The following IQSEC2 variants were observed in gnomAD, a reference collection of about 807,000 sequenced individuals.
IQSEC2 encodes IQ motif and SEC7 domain-containing protein 2.
Under a neutral mutation model 74.6 loss-of-function variants are expected in IQSEC2, and 6 were observed. The ratio of observed to expected loss-of-function variants is 0.08; its 90% CI spans 0.04 to 0.16. The LOEUF (loss-of-function observed/expected upper bound fraction) is 0.16, where lower values mean the gene tolerates loss of function less well. Among genes scored for constraint, IQSEC2 ranks in the 10% least tolerant of loss-of-function variants. The pLI is 1.00. For missense variants in IQSEC2, 734 were observed against 1,306.2 expected, an observed-to-expected ratio of 0.56 and a Z score of 6.75; for synonymous variants, 494 against 544.5, an observed-to-expected ratio of 0.91 and a Z score of 1.29.
chrX:53,303,906 G>A (rs1556876030), intron 1 of IQSEC2, among the ~76,000 whole-genome samples: 1 of 110,153 alleles, frequency 9.1e-6, no homozygotes, highest in Admixed American at 9.7e-5. Flanking sequence ...TGAGGCGGGT[G>A]GATCACAAGG....
intron 1 of IQSEC2, among the ~76,000 whole-genome samples, chrX:53,303,249 T>G (rs17002613): frequency 0.072 from 7,757 of 107,950 alleles, 579 homozygotes; most frequent in African/African-American, 0.22. Context: ...CAGAATAAAG[T>G]CATGGAAGCA....
intron 1 of IQSEC2, among the ~76,000 whole-genome samples, chrX:53,312,951 G>GA (rs1231706801): frequency 1.8e-5 from 2 of 112,355 alleles, no homozygotes; most frequent in African/African-American, 3.2e-5. Flanking sequence ...TCGCTCCAAC[G>GA]AAATGCACTA....
chrX:53,247,212 C>G (rs1165581983), intron 7 of IQSEC2, 77 bp from the exon 8 acceptor site: 122 of 969,992 alleles, frequency 1.3e-4, no homozygotes, highest in Non-Finnish European at 1.6e-4. Flanking sequence ...CAGTCTGGCA[C>G]CAGCAACCCT....
chrX:53,303,827 C>A (rs946568410), intron 1 of IQSEC2, among the ~76,000 whole-genome samples: 1 of 108,461 alleles, frequency 9.2e-6, no homozygotes, highest in Non-Finnish European at 1.9e-5. Context: ...AAAGTGAAAA[C>A]CTTTTGAAAG....
At chrX:53,299,196 G>C (rs781946634) in intron 1 of IQSEC2, among the ~76,000 whole-genome samples, 1 of 110,266 alleles carries the variant, frequency 9.1e-6, no homozygotes, top group East Asian at 2.8e-4. Flanking sequence ...ACAGGCATAG[G>C]CCACCATGCC....
chrX:53,319,350 A>C (rs2075406874), intron 1 of IQSEC2, among the ~76,000 whole-genome samples: 1 of 111,573 alleles, frequency 9.0e-6, no homozygotes, highest in African/African-American at 3.3e-5. Context: ...GGGGTACTTC[A>C]AGATCATCCA....
chrX:53,279,617 A>C (rs2074908707), intron 2 of IQSEC2: 1 of 1,202,408 alleles, frequency 8.3e-7, no homozygotes, highest in East Asian at 3.0e-5. Flanking sequence ...CAAGGACCTG[A>C]GTAGGACAGC....
In IQSEC2 at chrX:53,286,693, G is replaced by C. The variant is rs992135719; in HGVS notation, c.737+5202C>G. On this transcript the variant is annotated intron_variant, in intron 2 of 14. Transcript: ENST00000642864. ...GCGGTGGCTCACACCTATAATCCCA[G>C]CACTTTGGGAGGCCGAGGAGGGGGG... Among the ~76,000 whole-genome samples, 4 of 111,386 alleles carry C rather than the reference G, an allele frequency of 3.6e-5. No homozygotes were observed. The Admixed American group carries it at 3.8e-4, about 11-fold the overall frequency.
intron 1 of IQSEC2, among the ~76,000 whole-genome samples, chrX:53,293,154 C>G (rs1374568738): frequency 2.7e-5 from 3 of 112,092 alleles, no homozygotes; most frequent in African/African-American, 9.7e-5. Flanking sequence ...TGAAAGGAGG[C>G]CCCGCTGGCG....
intron 2 of IQSEC2, among the ~76,000 whole-genome samples, chrX:53,275,728 C>CTTTTTTT (rs1219701474): frequency 3.8e-4 from 31 of 81,678 alleles, no homozygotes; most frequent in East Asian, 8.3e-4. Flanking sequence ...TGCCCTCATT[C>CTTTTTTT]TTTTTTTTTT....
Position 53,254,615 on chromosome X carries a change from C to T in IQSEC2, c.1316G>A (p.Gly439Asp). 1 of 1,194,074 alleles carries T rather than the reference C, an allele frequency of 8.4e-7. No individual in the cohort carries two copies. Among genetic ancestry groups the T allele is most frequent in the Non-Finnish European group, 1.1e-6 (1 of 886,944 alleles). Reference sequence around the variant, plus strand: ...GACGGAGCTTCCACCACCATCGATGCCCCCACCACAGGAGCCTCCATATGG... The same window carrying T: ...GACGGAGCTTCCACCACCATCGATGTCCCCACCACAGGAGCCTCCATATGG... ...GLPYGGSCGG[G>D]IDGGGSSVTT... The change falls in exon 4 of 15, where the codon GGC becomes GAC. Residue 439 changes from glycine to aspartate, a missense_variant. Physicochemically the swap from Gly to Asp is moderately conservative, Grantham distance 94. Around this residue, in one of 12 missense-constraint regions of IQSEC2, gnomAD observed 204 missense variants for 305.4 expected, o/e 0.67. Coordinates refer to ENST00000642864, the MANE Select transcript of IQSEC2 (RefSeq NM_001111125.3).
chrX:53,244,579 A>C (rs1434817666), intron 8 of IQSEC2, among the ~76,000 whole-genome samples: 1 of 111,285 alleles, frequency 9.0e-6, no homozygotes, highest in Non-Finnish European at 1.9e-5. Flanking sequence ...AATTTGAAAC[A>C]ACCTAAATTT....
chrX:53,296,174 T>C (rs1053678612), intron 1 of IQSEC2, among the ~76,000 whole-genome samples: 3 of 109,992 alleles, frequency 2.7e-5, no homozygotes, highest in Non-Finnish European at 5.7e-5. Flanking sequence ...TAGCTGGGAT[T>C]ACAGGCACCT....
At position 53,234,948 on chromosome X, in the gene IQSEC2, ATGGTGG is replaced by A; in HGVS notation, c.3732_3737del (p.His1246_His1247del). 1.7e-6 allele frequency: 2 copies of A among 1,164,051 alleles called. No homozygotes were observed. The highest frequency in any genetic ancestry group is 1.9e-5 in the South Asian group (1 of 52,562). ...CCAGGCCACCGTGGCTATGGCCATG[ATGGTGG>A]TGGTGGTGGTGGTGGTGCGTGGAAG... On this transcript the variant is annotated inframe_deletion, in exon 15 of 15. Transcript: ENST00000642864.
intron 2 of IQSEC2, among the ~76,000 whole-genome samples, chrX:53,258,861 AAAC>A (rs1556865843): frequency 2.6e-4 from 11 of 41,778 alleles, no homozygotes; most frequent in Non-Finnish European, 3.8e-4. Flanking sequence ...ACAAACAAAC[AAAC>A]AAACAAAACC....
chrX:53,303,200 C>CAA (rs374516627), intron 1 of IQSEC2, among the ~76,000 whole-genome samples: 77 of 63,333 alleles, frequency 1.2e-3, no homozygotes, highest in African/African-American at 3.7e-3. Flanking sequence ...GAGACTCTGT[C>CAA]AAAAAAAAAA....
intron 8 of IQSEC2, among the ~76,000 whole-genome samples, chrX:53,244,609 A>C (rs1569298215): frequency 2.7e-5 from 3 of 111,711 alleles, no homozygotes; most frequent in Admixed American, 9.5e-5. Context: ...AGGATAGTAT[A>C]TCCATTTAAT....
At chrX:53,312,946 C>G (rs923974096) in intron 1 of IQSEC2, among the ~76,000 whole-genome samples, 16 of 112,282 alleles carry the variant, frequency 1.4e-4, no homozygotes, top group Non-Finnish European at 1.3e-4. Flanking sequence ...TCACATCGCT[C>G]CAACGAAATG....
In IQSEC2 at chrX:53,321,079, G is replaced by A; in HGVS notation, c.45C>T (p.Ser15=). ...SGPPGGPGSE[S]PNRAVEYLLE... ...GCAGGTACTCCACGGCCCGATTTGG[G>A]CTCTCGGATCCCGGGCCGCCCGGGG... The change falls in exon 1 of 15, where the codon AGC becomes AGT. Residue 15 remains serine (S), a synonymous_variant. Coordinates refer to ENST00000642864, the MANE Select transcript of IQSEC2 (RefSeq NM_001111125.3). 8.7e-7 allele frequency: 1 copy of A among 1,153,253 alleles called. No homozygotes were observed. The highest frequency in any genetic ancestry group is 3.3e-5 in the East Asian group (1 of 30,580).
Sources: gnomAD v4.1 joint callset for allele counts (sites outside exome capture counted in the v4.1 genomes callset) on GRCh38, gnomAD v4.1.1 for gene constraint, gnomAD v4.1.1 regional missense constraint, MANE v1.5 for transcripts, NCBI Gene and HGNC (gene_info 2026-07-23, HGNC 2026-07-21) for gene names.